The following ASTN2 variants were observed in gnomAD, a reference collection of about 807,000 sequenced individuals.
The protein encoded by ASTN2 is astrotactin-2.
Under a neutral mutation model 139.8 loss-of-function variants are expected in ASTN2, and 54 were observed. That is an observed-to-expected ratio of 0.39 (90% CI 0.31 to 0.48). ASTN2 has a LOEUF of 0.48. Among genes scored for constraint, ASTN2 ranks in the 20% least tolerant of loss-of-function variants. The pLI is 0.95. For missense variants in ASTN2, 1,565 were observed against 1,725.1 expected, an observed-to-expected ratio of 0.91 and a Z score of 1.64; for synonymous variants, 756 against 719.5, an observed-to-expected ratio of 1.05 and a Z score of -0.81.
At chr9:116,972,064 C>T (rs1169631227) in intron 10 of ASTN2, among the ~76,000 whole-genome samples, 1 of 152,132 alleles carries the variant, frequency 6.6e-6, no homozygotes, top group East Asian at 1.9e-4. Context: ...CTCATGTAAC[C>T]ACCACCCATA....
intron 19 of ASTN2, among the ~76,000 whole-genome samples, chr9:116,576,638 G>A (rs901799201): frequency 3.9e-5 from 6 of 152,156 alleles, no homozygotes; most frequent in African/African-American, 1.4e-4. Context: ...GGCCCTGCTG[G>A]CTCATGTGTT....
chr9:116,714,757 T>C (rs1828268005), intron 16 of ASTN2, among the ~76,000 whole-genome samples: 1 of 152,198 alleles, frequency 6.6e-6, no homozygotes, highest in Non-Finnish European at 1.5e-5. Context: ...ATGAGCCACG[T>C]AATCACATGA....
At chr9:116,599,667 A>C (rs1160078956) in intron 19 of ASTN2, among the ~76,000 whole-genome samples, 2 of 152,186 alleles carry the variant, frequency 1.3e-5, no homozygotes, top group Non-Finnish European at 2.9e-5. Flanking sequence ...CCTGGTGAGG[A>C]AGTCATAGTG....
At chr9:116,783,349 CCTCT>C (rs1490203480) in intron 13 of ASTN2, among the ~76,000 whole-genome samples, 8 of 141,774 alleles carry the variant, frequency 5.6e-5, no homozygotes, top group African/African-American at 1.0e-4. Context: ...TCCCTCCCTC[CCTCT>C]CTCTCTCCTT....
At chr9:117,347,203 C>T (rs889238301) in intron 1 of ASTN2, among the ~76,000 whole-genome samples, 6 of 151,918 alleles carry the variant, frequency 3.9e-5, no homozygotes, top group African/African-American at 1.2e-4. Flanking sequence ...AAGAGGTTGG[C>T]GGTTGAGAAG....
At chr9:116,463,955 C>G (rs1183396198) in intron 20 of ASTN2, among the ~76,000 whole-genome samples, 1 of 126,960 alleles carries the variant, frequency 7.9e-6, no homozygotes, top group Non-Finnish European at 1.6e-5. Flanking sequence ...ATTATGTTGT[C>G]CAGGCTGGCC....
At chr9:117,044,329 G>A (rs185900312) in intron 5 of ASTN2, among the ~76,000 whole-genome samples, 2 of 152,294 alleles carry the variant, frequency 1.3e-5, no homozygotes, top group African/African-American at 4.8e-5. Context: ...CCATTTACTC[G>A]GCGAATGCCT....
intron 10 of ASTN2, among the ~76,000 whole-genome samples, chr9:116,949,512 C>G (rs990614426): frequency 3.3e-5 from 5 of 152,104 alleles, no homozygotes; most frequent in Non-Finnish European, 5.9e-5. Flanking sequence ...TGTATCAGAA[C>G]TAGTGTAAGT....
chr9:117,319,665 G>A (rs1456697646), intron 1 of ASTN2, among the ~76,000 whole-genome samples: 1 of 151,328 alleles, frequency 6.6e-6, no homozygotes, highest in African/African-American at 2.4e-5. Flanking sequence ...CAAACTCCTG[G>A]CCTCAAGTGA....
chr9:117,303,497 A>G (rs1200998387), intron 1 of ASTN2, among the ~76,000 whole-genome samples: 3 of 152,080 alleles, frequency 2.0e-5, no homozygotes, highest in Admixed American at 6.5e-5. Context: ...CCCCTATGCC[A>G]TCTATCCAAA....
chr9:116,553,954 T>C (rs1055020947), intron 19 of ASTN2, among the ~76,000 whole-genome samples: 1 of 152,204 alleles, frequency 6.6e-6, no homozygotes, highest in Admixed American at 6.5e-5. Context: ...TCAGTGAGCA[T>C]TGAACGAATG....
intron 13 of ASTN2, among the ~76,000 whole-genome samples, chr9:116,773,190 T>G (rs1022671781): frequency 1.8e-4 from 27 of 152,160 alleles, no homozygotes; most frequent in African/African-American, 5.1e-4. Flanking sequence ...ACTCTAAATT[T>G]TTGCCCCTTT....
intron 1 of ASTN2, among the ~76,000 whole-genome samples, chr9:117,413,278 A>G (rs550879935): frequency 6.6e-6 from 1 of 152,358 alleles, no homozygotes; most frequent in Non-Finnish European, 1.5e-5. Flanking sequence ...GCGAGCAAGG[A>G]GTTAACCTCG....
At chr9:117,360,721 G>C (rs1404982941) in intron 1 of ASTN2, among the ~76,000 whole-genome samples, 5 of 152,050 alleles carry the variant, frequency 3.3e-5, no homozygotes, top group Non-Finnish European at 7.4e-5. Flanking sequence ...TTCAAGGCCT[G>C]GCTTTACTAG....
chr9:117,251,387 T>C (rs573175056), intron 2 of ASTN2, among the ~76,000 whole-genome samples: 5 of 152,218 alleles, frequency 3.3e-5, no homozygotes, highest in African/African-American at 1.2e-4. Flanking sequence ...TGTCTCATGA[T>C]ACTTATTATA....
chr9:116,467,389 C>T (rs1026758032), intron 20 of ASTN2, among the ~76,000 whole-genome samples: 26 of 152,302 alleles, frequency 1.7e-4, no homozygotes, highest in African/African-American at 3.4e-4. Flanking sequence ...GCTTCAGCCT[C>T]CCAAGTAGCT....
intron 4 of ASTN2, among the ~76,000 whole-genome samples, chr9:117,120,014 G>GTATATATATATATA (rs1470198393): frequency 5.7e-5 from 2 of 35,324 alleles, no homozygotes; most frequent in African/African-American, 7.4e-5. Flanking sequence ...GTGTGTGTGT[G>GTATATATATATATA]TGTGTATATA....
At chr9:116,526,907 C>T (rs1851118592) in intron 19 of ASTN2, among the ~76,000 whole-genome samples, 2 of 152,142 alleles carry the variant, frequency 1.3e-5, no homozygotes, top group Admixed American at 1.3e-4. Flanking sequence ...TTACAGCCAA[C>T]TAATTTTCAA....
chr9:116,827,203 G>C (rs1283258617), intron 11 of ASTN2, among the ~76,000 whole-genome samples: 1 of 151,374 alleles, frequency 6.6e-6, no homozygotes, highest in Admixed American at 6.6e-5. Context: ...CAGCTACTTG[G>C]GAGGCTGAGG....
Sources: gnomAD v4.1 joint callset for allele counts (sites outside exome capture counted in the v4.1 genomes callset) on GRCh38, gnomAD v4.1.1 for gene constraint, MANE v1.5 for transcripts, NCBI Gene and HGNC (gene_info 2026-07-23, HGNC 2026-07-21) for gene names.